LRMDA: variants seen among roughly 807,000 people sequenced by gnomAD.
LRMDA encodes the protein leucine rich melanocyte differentiation associated.
Under a neutral mutation model 29.8 loss-of-function variants are expected in LRMDA, and 18 were observed. The observed-to-expected ratio is 0.60, with a 90% CI of 0.42 to 0.90. LRMDA has a LOEUF of 0.90. Ranked by LOEUF, LRMDA falls within the 40% of genes least tolerant of loss-of-function variation. LRMDA has a pLI of 0.00. For missense variants in LRMDA, 273 were observed against 273.9 expected, an observed-to-expected ratio of 1.00 and a Z score of 0.02; for synonymous variants, 125 against 109.4, an observed-to-expected ratio of 1.14 and a Z score of -0.89.
At chr10:76,462,783 C>T (rs1842526480) in intron 6 of LRMDA, among the ~76,000 whole-genome samples, 1 of 152,202 alleles carries the variant, frequency 6.6e-6, no homozygotes, top group Admixed American at 6.5e-5. Context: ...CATTGGACAA[C>T]TGGGAAAGCA....
At chr10:76,434,127 T>G (rs1469460920) in intron 6 of LRMDA, among the ~76,000 whole-genome samples, 1 of 150,170 alleles carries the variant, frequency 6.7e-6, no homozygotes, top group Non-Finnish European at 1.5e-5. Context: ...TCTTGGTAAC[T>G]GTTGCCTTCT....
chr10:75,929,386 A>T (rs1818977930), intron 2 of LRMDA, among the ~76,000 whole-genome samples: 1 of 152,114 alleles, frequency 6.6e-6, no homozygotes, highest in Admixed American at 6.5e-5. Flanking sequence ...TGCATAGAGA[A>T]GATGTATGCA....
chr10:75,534,446 A>ACTTTT (rs59319730), intron 2 of LRMDA, among the ~76,000 whole-genome samples: 91,356 of 151,322 alleles, frequency 0.6, 29,933 homozygotes, highest in East Asian at 0.85. Flanking sequence ...GACTCTTAGA[A>ACTTTT]CTTTGCTTTC....
At chr10:75,592,944 GA>G (rs1840742333) in intron 2 of LRMDA, among the ~76,000 whole-genome samples, 1 of 152,032 alleles carries the variant, frequency 6.6e-6, no homozygotes, top group Non-Finnish European at 1.5e-5. Flanking sequence ...TCCTCTCATG[GA>G]GACTAGCAGG....
At chr10:76,224,667 CTTTTTTTTT>C (rs35143239) in intron 5 of LRMDA, among the ~76,000 whole-genome samples, 1 of 105,376 alleles carries the variant, frequency 9.5e-6, no homozygotes, top group Non-Finnish European at 1.9e-5. Flanking sequence ...GTCTAGGACT[CTTTTTTTTT>C]TTTTTTTTTT....
At chr10:75,885,075 G>A (rs1211769148) in intron 2 of LRMDA, among the ~76,000 whole-genome samples, 1 of 152,008 alleles carries the variant, frequency 6.6e-6, no homozygotes, top group Non-Finnish European at 1.5e-5. Context: ...GAGAATGACA[G>A]CAGTTCAGGA....
At chr10:75,506,287 AG>A (rs1252252628) in intron 2 of LRMDA, among the ~76,000 whole-genome samples, 1 of 152,186 alleles carries the variant, frequency 6.6e-6, no homozygotes, top group African/African-American at 2.4e-5. Context: ...CTTAGAGAAA[AG>A]AGAACACATT....
At chr10:75,902,054 C>A (rs1256096947) in intron 2 of LRMDA, among the ~76,000 whole-genome samples, 1 of 152,168 alleles carries the variant, frequency 6.6e-6, no homozygotes, top group African/African-American at 2.4e-5. Context: ...AGGCCCCTTG[C>A]TCAATGCTCC....
chr10:76,054,744 G>T (rs1848582335), intron 4 of LRMDA, among the ~76,000 whole-genome samples: 1 of 151,082 alleles, frequency 6.6e-6, no homozygotes, highest in Admixed American at 6.6e-5. Flanking sequence ...GCAGAAGACG[G>T]AAGTTTTCTC....
intron 6 of LRMDA, among the ~76,000 whole-genome samples, chr10:76,507,244 T>C (rs1166499908): frequency 6.6e-6 from 1 of 152,060 alleles, no homozygotes; most frequent in Non-Finnish European, 1.5e-5. Flanking sequence ...TTGTATGTCT[T>C]CTTTTGAGAA....
chr10:75,471,579 C>T (rs1220868190), intron 2 of LRMDA, among the ~76,000 whole-genome samples: 1 of 152,228 alleles, frequency 6.6e-6, no homozygotes, highest in African/African-American at 2.4e-5. Context: ...AAACCAATCC[C>T]TTGATAATGC....
chr10:76,367,246 A>G (rs974105054), intron 6 of LRMDA, among the ~76,000 whole-genome samples: 1 of 151,998 alleles, frequency 6.6e-6, no homozygotes, highest in Admixed American at 6.6e-5. Flanking sequence ...TGGTTTTGGT[A>G]TTAGGGTGAT....
intron 2 of LRMDA, among the ~76,000 whole-genome samples, chr10:75,674,356 A>G (rs912040598): frequency 6.6e-6 from 1 of 152,170 alleles, no homozygotes; most frequent in Non-Finnish European, 1.5e-5. Flanking sequence ...TTATATATAT[A>G]TAACAGATAA....
At chr10:76,105,018 T>C (rs558703604) in intron 5 of LRMDA, among the ~76,000 whole-genome samples, 9 of 152,258 alleles carry the variant, frequency 5.9e-5, no homozygotes, top group African/African-American at 2.2e-4. Context: ...TAATTACCTT[T>C]TCTAGGTTTT....
intron 2 of LRMDA, among the ~76,000 whole-genome samples, chr10:75,861,076 G>C (rs111542187): frequency 1.7e-4 from 26 of 152,304 alleles, no homozygotes; most frequent in Non-Finnish European, 3.1e-4. Context: ...TTTTCATTTT[G>C]GTCCAATGAC....
intron 2 of LRMDA, among the ~76,000 whole-genome samples, chr10:75,723,337 G>T (rs2094622865): frequency 6.6e-6 from 1 of 152,222 alleles, no homozygotes; most frequent in African/African-American, 2.4e-5. Context: ...GCTGAATGTT[G>T]TGATGAACCA....
intron 5 of LRMDA, among the ~76,000 whole-genome samples, chr10:76,120,828 CTTTTTTTT>C (rs978706586): frequency 4.4e-4 from 57 of 130,966 alleles, no homozygotes; most frequent in African/African-American, 1.5e-3. Flanking sequence ...GTTGATTGTT[CTTTTTTTT>C]TTTTTTTTTC....
intron 6 of LRMDA, among the ~76,000 whole-genome samples, chr10:76,482,035 T>C (rs1181241941): frequency 6.6e-6 from 1 of 151,944 alleles, no homozygotes; most frequent in Non-Finnish European, 1.5e-5. Flanking sequence ...CATTCTTGTG[T>C]CAACACCACC....
At chr10:75,559,332 T>C (rs1840259619) in intron 2 of LRMDA, among the ~76,000 whole-genome samples, 1 of 150,952 alleles carries the variant, frequency 6.6e-6, no homozygotes, top group Admixed American at 6.6e-5. Flanking sequence ...AATGTCTTCT[T>C]TTGAGAAGTG....
Sources: allele counts gnomAD v4.1 joint callset (sites outside exome capture counted in the v4.1 genomes callset), GRCh38; gene constraint gnomAD v4.1.1; transcripts MANE v1.5; gene names NCBI Gene and HGNC (gene_info 2026-07-23, HGNC 2026-07-21).